GRK3: variants seen among roughly 807,000 people sequenced by gnomAD.
GRK3 encodes the protein adrenergic, beta, receptor kinase 2.
GRK3 carries 54 observed loss-of-function variants against 95.7 expected under a neutral mutation model. The ratio of observed to expected loss-of-function variants is 0.56; its 90% CI spans 0.45 to 0.71. The LOEUF (loss-of-function observed/expected upper bound fraction) is 0.71, where lower values mean the gene tolerates loss of function less well. Ranked by LOEUF, GRK3 falls within the 30% of genes least tolerant of loss-of-function variation. The pLI, the probability that GRK3 is intolerant of heterozygous loss-of-function variation, is 0.00. For missense variants in GRK3, 649 were observed against 851.2 expected (o/e 0.76, Z 2.96); for synonymous variants, 281 against 290.8 (o/e 0.97, Z 0.34).
At chr22:25,688,117 T>A (rs2085135101) in intron 11 of GRK3, among the ~76,000 whole-genome samples, 1 of 150,948 alleles carries the variant, frequency 6.6e-6, no homozygotes, top group Non-Finnish European at 1.5e-5. Context: ...GTGCCTGTAG[T>A]CCCAGCTACT....
intron 2 of GRK3, among the ~76,000 whole-genome samples, chr22:25,613,934 A>T (rs2084517859): frequency 6.6e-6 from 1 of 151,312 alleles, no homozygotes; most frequent in Admixed American, 6.6e-5. Context: ...AACCCAGCTT[A>T]GTAGGGCTGG....
intron 2 of GRK3, among the ~76,000 whole-genome samples, chr22:25,611,798 C>A (rs540655652): frequency 3.4e-5 from 5 of 146,706 alleles, no homozygotes; most frequent in South Asian, 2.2e-4. Context: ...CCAATTTATA[C>A]ATTTTTTTCT....
At chr22:25,711,250 T>C in intron 17 of GRK3, 87 bp downstream of exon 17, 1 of 810,716 alleles carries the variant, frequency 1.2e-6, no homozygotes, top group Non-Finnish European at 2.0e-6. Flanking sequence ...TGTTTTAATA[T>C]TGGGCTGTTT....
At chr22:25,625,122 T>C (rs1377051020) in intron 2 of GRK3, among the ~76,000 whole-genome samples, 2 of 152,108 alleles carry the variant, frequency 1.3e-5, no homozygotes, top group Non-Finnish European at 2.9e-5. Flanking sequence ...TTCACCGTGT[T>C]AGCTGTGGGC....
intron 1 of GRK3, among the ~76,000 whole-genome samples, chr22:25,584,076 G>C (rs1932200386): frequency 6.6e-6 from 1 of 152,256 alleles, no homozygotes; most frequent in Non-Finnish European, 1.5e-5. Flanking sequence ...GGCAGAAGTA[G>C]GGAAGTGGGA....
At chr22:25,663,508 T>C (rs2084922854) in intron 4 of GRK3, 122 bp from the exon 5 acceptor site, 2 of 593,900 alleles carry the variant, frequency 3.4e-6, no homozygotes, top group African/African-American at 1.9e-5. Flanking sequence ...TGTTTGTTAA[T>C]ATAATTACCG....
intron 2 of GRK3, among the ~76,000 whole-genome samples, chr22:25,611,905 T>A (rs1290239953): frequency 6.7e-6 from 1 of 148,998 alleles, no homozygotes; most frequent in East Asian, 2.0e-4. Flanking sequence ...CAATCTGGGC[T>A]CACTGAAACC....
At chr22:25,567,242 C>A (rs563415013) in intron 1 of GRK3, among the ~76,000 whole-genome samples, 1 of 152,256 alleles carries the variant, frequency 6.6e-6, no homozygotes, top group African/African-American at 2.4e-5. Context: ...TCGAATTGGG[C>A]CATTGGAACC....
intron 17 of GRK3, 125 bp from the exon 18 acceptor site, chr22:25,714,283 A>G (rs935018387): frequency 2.8e-6 from 2 of 721,700 alleles, no homozygotes; most frequent in Admixed American, 3.0e-5. Context: ...CGAAATGATT[A>G]CTGCTGCCAT....
At chr22:25,565,410 A>C (rs1405762732) in intron 1 of GRK3, among the ~76,000 whole-genome samples, 1 of 152,202 alleles carries the variant, frequency 6.6e-6, no homozygotes, top group Non-Finnish European at 1.5e-5. Flanking sequence ...CGCCCCAGCC[A>C]GGGTCTGGTT....
At chr22:25,672,150 T>A (rs2084988073) in intron 6 of GRK3, 146 bp from the exon 7 acceptor site, 3 of 543,686 alleles carry the variant, frequency 5.5e-6, no homozygotes, top group Non-Finnish European at 9.9e-6. Context: ...TACGGGTGAA[T>A]GCTCTGTGAA....
intron 9 of GRK3, among the ~76,000 whole-genome samples, chr22:25,682,182 A>T (rs564385454): frequency 6.6e-6 from 1 of 152,390 alleles, no homozygotes; most frequent in South Asian, 2.1e-4. Context: ...AGTAAGAGAA[A>T]TAATGGAGCT....
At chr22:25,654,253 A>G (rs2084854651) in intron 3 of GRK3, among the ~76,000 whole-genome samples, 1 of 152,244 alleles carries the variant, frequency 6.6e-6, no homozygotes, top group Non-Finnish European at 1.5e-5. Context: ...AATGATATAT[A>G]CCATTATTAT....
intron 2 of GRK3, among the ~76,000 whole-genome samples, chr22:25,637,181 G>A (rs1434578788): frequency 9.7e-6 from 1 of 103,154 alleles, no homozygotes; most frequent in East Asian, 2.1e-4. Context: ...TGATACTAGC[G>A]CCTTTTCCTG....
At chr22:25,708,980 TC>T (rs2085322460) in intron 15 of GRK3, among the ~76,000 whole-genome samples, 1 of 152,078 alleles carries the variant, frequency 6.6e-6, no homozygotes, top group Admixed American at 6.6e-5. Context: ...CTCTGGGTAC[TC>T]CAAGTTTTAA....
chr22:25,586,411 A>G (rs1932306475), intron 1 of GRK3, among the ~76,000 whole-genome samples: 1 of 152,302 alleles, frequency 6.6e-6, no homozygotes, highest in Admixed American at 6.5e-5. Context: ...GAGGGGTTGG[A>G]TACTCCATTC....
At chr22:25,590,150 A>C (rs1167448953) in intron 1 of GRK3, among the ~76,000 whole-genome samples, 2 of 152,184 alleles carry the variant, frequency 1.3e-5, no homozygotes. Flanking sequence ...GCATGTCTAG[A>C]GATCATATAT....
intron 1 of GRK3, among the ~76,000 whole-genome samples, chr22:25,565,655 C>T (rs1246438432): frequency 4.6e-5 from 7 of 152,196 alleles, no homozygotes; most frequent in Admixed American, 1.3e-4. Context: ...GGACTGCAGG[C>T]TTGTTGCTTA....
intron 16 of GRK3, 121 bp downstream of exon 16, chr22:25,710,085 A>G (rs2085332234): frequency 6.6e-6 from 5 of 763,272 alleles, no homozygotes; most frequent in Non-Finnish European, 7.1e-6. Context: ...GTGTCTCCCC[A>G]GCATCCCCAC....
Sources: allele counts gnomAD v4.1 joint callset (sites outside exome capture counted in the v4.1 genomes callset), GRCh38; gene constraint gnomAD v4.1.1; transcripts MANE v1.5; gene names NCBI Gene and HGNC (gene_info 2026-07-23, HGNC 2026-07-21).